Variants in MS4A14 observed in about 807,000 individuals in gnomAD.
MS4A14 encodes the protein membrane-spanning 4-domains subfamily A member 14.
A neutral mutation model predicts 16.7 loss-of-function variants in MS4A14; 18 were observed. The observed-to-expected ratio is 1.08, with a 90% CI of 0.75 to 1.60. The LOEUF is 1.60. Among genes scored for constraint, MS4A14 ranks in the 40% most tolerant of loss-of-function variants. The pLI is 0.00. For synonymous variants in MS4A14, 305 were observed against 289.4 expected, an observed-to-expected ratio of 1.05 and a Z score of -0.55; for missense variants, 812 against 775.3, an observed-to-expected ratio of 1.05 and a Z score of -0.56.
Position 60,415,541 on chromosome 11 carries a change from T to C in MS4A14, c.573T>C (p.Asp191=), listed in dbSNP as rs745499116. 5.6e-6 allele frequency: 9 copies of C among 1,613,712 alleles called. No homozygotes were observed. The Admixed American group carries it at 1.0e-4, about 18-fold the overall frequency. Residue 191 remains aspartate, a synonymous_variant, in exon 5 of 5, where the codon GAT becomes GAC. Transcript: ENST00000300187. ...TGCTTCAAGAAGAGTTTTCCAGTGA[T>C]GATTCAACAACAAATGCACAATCTG... The part of the protein sequence containing the change: ...QFVLQEEFSS[D]DSTTNAQSVI...
rs199570061 is a variant in MS4A14 at position 60,412,307 on chromosome 11, G to GTT, written c.469-3119_469-3118dup. 5.6e-5 allele frequency among the ~76,000 whole-genome samples: 8 copies of GTT among 144,036 alleles called. No individual in the cohort carries two copies. The East Asian group carries it at 8.0e-4, about 14-fold the overall frequency. 94.5% of individuals were successfully genotyped at this position (144,036 alleles called of 152,430 possible). A position where few individuals can be genotyped will look rare whatever the true frequency, so the allele number is the denominator to read the frequency against. On this transcript the variant is annotated intron_variant, in intron 4 of 4. Coordinates refer to ENST00000300187, the MANE Select transcript of MS4A14 (RefSeq NM_032597.5). The stretch of plus-strand genomic sequence containing the variant: ...TTTTCAGAAGAGTTTGAGAATAATT[G>GTT]TTTTTTTTTTTTCTTTAAATTTTGG...
intron 4 of MS4A14, chr11:60,404,395 A>G (rs2085757679): frequency 5.1e-6 from 2 of 390,942 alleles, no homozygotes; most frequent in Non-Finnish European, 1.0e-5. Flanking sequence ...TCTATTGTCT[A>G]TACTGTGGCT....
At position 60,416,918 on chromosome 11, in the gene MS4A14, A is replaced by C. The variant is rs757652798; in HGVS notation, c.1950A>C (p.Gln650His). 10 of 1,613,784 alleles carry C rather than the reference A, an allele frequency of 6.2e-6. No homozygotes were observed. In the South Asian group the frequency reaches 1.1e-4, roughly 18 times the overall value. ...AAGATTCAGAATCCCAAATACAGCA[A>C]TACCAATTCTGGCAATTCCACAAAG... Reference protein sequence around the residue: ...LCQDSESQIQQYQFWQFHKGN... With the variant: ...LCQDSESQIQHYQFWQFHKGN... The change falls in exon 5 of 5, where the codon CAA (glutamine) becomes CAC (histidine). Residue 650 changes from glutamine (Q) to histidine (H), a missense_variant. By Grantham distance (24) the Gln-to-His change is conservative. Coordinates refer to ENST00000300187, the MANE Select transcript of MS4A14 (RefSeq NM_032597.5).
chr11:60,401,019 C>G (rs2085705738), intron 3 of MS4A14, among the ~76,000 whole-genome samples: 1 of 152,138 alleles, frequency 6.6e-6, no homozygotes, highest in Non-Finnish European at 1.5e-5. Context: ...TAGATCCTGC[C>G]CAAGGTCTGG....
In MS4A14 at chr11:60,400,469, C is replaced by T. The variant is rs1261212652; in HGVS notation, c.318+15C>T. 6.4e-7 allele frequency: 1 copy of T among 1,567,374 alleles called. No individual in the cohort carries two copies. Among genetic ancestry groups the T allele is most frequent in the Non-Finnish European group, 8.8e-7 (1 of 1,140,590 alleles). On this transcript the variant is annotated intron_variant, in intron 3 of 4. Coordinates refer to ENST00000300187, the MANE Select transcript of MS4A14 (RefSeq NM_032597.5). Reference sequence around the variant, plus strand: ...CAAAACTTCTGGTAAGCCACTTAAACTACATAAAATTTAAAATCTTCTATT... The same window carrying T: ...CAAAACTTCTGGTAAGCCACTTAAATTACATAAAATTTAAAATCTTCTATT...
intron 2 of MS4A14, 28 bp from the exon 3 acceptor site, chr11:60,400,376 T>C (rs2085694034): frequency 1.3e-6 from 2 of 1,539,998 alleles, no homozygotes; most frequent in South Asian, 2.4e-5. Flanking sequence ...CATCACCTGT[T>C]AACTTTTGTC....
intron 4 of MS4A14, among the ~76,000 whole-genome samples, chr11:60,412,383 C>A (rs999133031): frequency 2.6e-5 from 4 of 151,188 alleles, no homozygotes; most frequent in African/African-American, 7.3e-5. Flanking sequence ...TTGTTAGGAA[C>A]TTTTAGATTA....
In MS4A14 at chr11:60,416,392, A is replaced by G; in HGVS notation, c.1424A>G (p.Glu475Gly). Residue 475 changes from glutamate (E) to glycine (G), a missense_variant, in exon 5 of 5, where the codon GAG becomes GGG. By Grantham distance (98) the Glu-to-Gly change is moderately conservative (BLOSUM62 -2). Transcript: ENST00000300187. ...MEETKEWKSE[E>G]ELHRRKSSRR... ...GAGACCAAAGAATGGAAATCTGAGG[A>G]GGAACTCCATAGAAGAAAATCCTCA... The G allele has an allele frequency of 6.2e-7, 1 of 1,614,054 alleles. No homozygotes were observed. The highest frequency in any genetic ancestry group is 8.5e-7 in the Non-Finnish European group (1 of 1,179,970).
chr11:60,417,245 A>C lies in MS4A14; in HGVS notation c.*237A>C, dbSNP rs184474834. 4.7e-6 allele frequency: 2 copies of C among 424,788 alleles called. No individual in the cohort carries two copies. Among genetic ancestry groups the C allele is most frequent in the Non-Finnish European group, 4.2e-6 (1 of 240,660 alleles). The allele number at this position is 424,788 out of a possible 1,614,324, so 26.3% of individuals were successfully genotyped here. A position where few individuals can be genotyped will look rare whatever the true frequency, so the allele number is the denominator to read the frequency against. ...AAAAGGAGATATGTACACTAGAGAC[A>C]TCAAACCAGGGGACATGAAATGTAT... On this transcript the variant is annotated 3_prime_UTR_variant, in exon 5 of 5. Coordinates refer to ENST00000300187, the MANE Select transcript of MS4A14 (RefSeq NM_032597.5).
intron 4 of MS4A14, among the ~76,000 whole-genome samples, chr11:60,407,399 T>C (rs2085804468): frequency 6.6e-6 from 1 of 152,220 alleles, no homozygotes; most frequent in East Asian, 1.9e-4. Context: ...TTTGAGTTCA[T>C]ATATTTGTGT....
intron 3 of MS4A14, among the ~76,000 whole-genome samples, chr11:60,401,671 T>C (rs948449702): frequency 1.3e-5 from 2 of 152,140 alleles, no homozygotes; most frequent in Non-Finnish European, 2.9e-5. Context: ...AAAAGTATAA[T>C]GAGAATCAGA....
At chr11:60,408,963 C>A (rs2085828020) in intron 4 of MS4A14, among the ~76,000 whole-genome samples, 1 of 152,046 alleles carries the variant, frequency 6.6e-6, no homozygotes, top group South Asian at 2.1e-4. Flanking sequence ...CCATCAATAC[C>A]AACCAACAGG....
In MS4A14 at chr11:60,416,977, A is replaced by G. The variant is rs1337430901; in HGVS notation, c.2009A>G (p.Asn670Ser). The G allele has an allele frequency of 6.8e-6, 11 of 1,612,902 alleles. No individual in the cohort carries two copies. Among genetic ancestry groups the G allele is most frequent in the African/African-American group, 1.3e-5 (1 of 74,894 alleles). Residue 670 changes from asparagine to serine, a missense_variant, in exon 5 of 5, where the codon AAT becomes AGT. By Grantham distance (46) the Asn-to-Ser change is conservative (BLOSUM62 1). Coordinates refer to ENST00000300187, the MANE Select transcript of MS4A14 (RefSeq NM_032597.5). ...NLQAGQPRTV[N>S]LLAKNPLTG ...CAGGCTGGACAACCCAGGACTGTCA[A>G]TCTTTTGGCCAAGAATCCCCTGACT... is the stretch of plus-strand genomic sequence containing the variant.
chr11:60,400,086 T>C (rs980908196), intron 2 of MS4A14, among the ~76,000 whole-genome samples: 1 of 152,148 alleles, frequency 6.6e-6, no homozygotes, highest in African/African-American at 2.4e-5. Flanking sequence ...GCTCCTCCTC[T>C]TCTCTTCAAG....
At chr11:60,398,706 T>C (rs896690964) in intron 2 of MS4A14, among the ~76,000 whole-genome samples, 1 of 152,030 alleles carries the variant, frequency 6.6e-6, no homozygotes, top group African/African-American at 2.4e-5. Flanking sequence ...ATAGGTGAAA[T>C]AATTAATAAA....
intron 3 of MS4A14, 58 bp from the exon 4 acceptor site, chr11:60,402,854 G>A (rs950010633): frequency 1.3e-6 from 2 of 1,551,560 alleles, no homozygotes; most frequent in Middle Eastern, 1.7e-4. Context: ...TTTCTTACAA[G>A]ATATTTTTGC....
chr11:60,408,096 C>T (rs978533515), intron 4 of MS4A14, among the ~76,000 whole-genome samples: 2 of 152,130 alleles, frequency 1.3e-5, no homozygotes, highest in South Asian at 2.1e-4. Context: ...ATGCACATCC[C>T]CCCTCATGGA....
chr11:60,412,191 T>C lies in MS4A14; in HGVS notation c.469-3246T>C, dbSNP rs73481216. 4.8e-3 allele frequency among the ~76,000 whole-genome samples: 736 copies of C among 152,158 alleles called. 6 individuals carry two copies. The highest frequency in any genetic ancestry group is 0.017 in the African/African-American group (694 of 41,566). ...CTTATAAAGGATATTAATCTGTAAT[T>C]TTCTTTTCTTGCAGCATAATTATCT... On this transcript the variant is annotated intron_variant, in intron 4 of 4. Coordinates refer to ENST00000300187, the MANE Select transcript of MS4A14 (RefSeq NM_032597.5).
intron 2 of MS4A14, among the ~76,000 whole-genome samples, chr11:60,399,043 A>G (rs2085671428): frequency 6.6e-6 from 1 of 152,226 alleles, no homozygotes; most frequent in African/African-American, 2.4e-5. Flanking sequence ...CTGAGCACAT[A>G]CCGCGTCTTC....
Sources: gnomAD v4.1 joint callset for allele counts (sites outside exome capture counted in the v4.1 genomes callset) on GRCh38, gnomAD v4.1.1 for gene constraint, MANE v1.5 for transcripts, NCBI Gene and HGNC (gene_info 2026-07-23, HGNC 2026-07-21) for gene names.